ASAP1: variants seen among roughly 807,000 people sequenced by gnomAD.
ASAP1 encodes ArfGAP with SH3 domain, ankyrin repeat and PH domain 1.
Under a neutral mutation model 145.2 loss-of-function variants are expected in ASAP1, and 43 were observed. The observed-to-expected ratio is 0.30, with a 90% CI of 0.23 to 0.38. ASAP1 has a LOEUF of 0.38. Ranked by LOEUF, ASAP1 falls within the 10% of genes least tolerant of loss-of-function variation. ASAP1 has a pLI of 1.00. For synonymous variants in ASAP1, 546 were observed against 515.5 expected (o/e 1.06, Z -0.80); for missense variants, 1,018 against 1,355.3 (o/e 0.75, Z 3.91).
chr8:130,206,001 G>A (rs1419851506), intron 5 of ASAP1, among the ~76,000 whole-genome samples: 1 of 152,020 alleles, frequency 6.6e-6, no homozygotes, highest in Non-Finnish European at 1.5e-5. Context: ...ACAGAAGCTA[G>A]AATTATAATT....
At chr8:130,284,486 A>G (rs972230115) in intron 3 of ASAP1, among the ~76,000 whole-genome samples, 2 of 152,160 alleles carry the variant, frequency 1.3e-5, no homozygotes, top group Admixed American at 1.3e-4. Flanking sequence ...AAAATTTTTA[A>G]GCAGGGGAAA....
intron 1 of ASAP1, among the ~76,000 whole-genome samples, chr8:130,413,720 C>G (rs2138656938): frequency 6.6e-6 from 1 of 152,340 alleles, no homozygotes; most frequent in Non-Finnish European, 1.5e-5. Context: ...CCACTACCAT[C>G]TATCTGTGGC....
chr8:130,300,391 G>GT (rs1822591523), intron 3 of ASAP1, among the ~76,000 whole-genome samples: 1 of 152,160 alleles, frequency 6.6e-6, no homozygotes, highest in Non-Finnish European at 1.5e-5. Flanking sequence ...CACTACTGCT[G>GT]TTTTTTAATT....
At chr8:130,222,994 T>C (rs1483112143) in intron 4 of ASAP1, among the ~76,000 whole-genome samples, 2 of 152,206 alleles carry the variant, frequency 1.3e-5, no homozygotes, top group African/African-American at 2.4e-5. Context: ...GTCAGGAGAC[T>C]GAAGCTCCTA....
chr8:130,135,891 G>A (rs2097593414), intron 14 of ASAP1, among the ~76,000 whole-genome samples: 1 of 152,148 alleles, frequency 6.6e-6, no homozygotes, highest in Non-Finnish European at 1.5e-5. Flanking sequence ...TACAGATGCT[G>A]CAGAATACAG....
At chr8:130,441,881 G>A (rs1830498825) in intron 1 of ASAP1, among the ~76,000 whole-genome samples, 1 of 152,186 alleles carries the variant, frequency 6.6e-6, no homozygotes, top group Non-Finnish European at 1.5e-5. Context: ...ACAAGAAACA[G>A]GAGGGCTGAA....
intron 3 of ASAP1, chr8:130,340,944 GTTTTTT>G: frequency 2.3e-6 from 1 of 444,442 alleles, no homozygotes; most frequent in Non-Finnish European, 4.5e-6. Flanking sequence ...AAAATACTAG[GTTTTTT>G]TTTGTTTTTG....
chr8:130,125,509 C>T (rs2097573568), intron 17 of ASAP1, among the ~76,000 whole-genome samples: 1 of 151,898 alleles, frequency 6.6e-6, no homozygotes, highest in African/African-American at 2.4e-5. Context: ...GGTTTTATGA[C>T]AATAGTTAAC....
At chr8:130,348,866 A>C (rs2138020774) in intron 3 of ASAP1, among the ~76,000 whole-genome samples, 1 of 152,364 alleles carries the variant, frequency 6.6e-6, no homozygotes, top group Middle Eastern at 3.4e-3. Context: ...TCAATTATGC[A>C]GGTACATAAT....
At chr8:130,382,753 G>A (rs1228352037) in intron 2 of ASAP1, among the ~76,000 whole-genome samples, 1 of 152,148 alleles carries the variant, frequency 6.6e-6, no homozygotes, top group Non-Finnish European at 1.5e-5. Flanking sequence ...GCTGAGGCAG[G>A]AGAATTGCTT....
chr8:130,394,176 C>A (rs11779293), intron 2 of ASAP1, among the ~76,000 whole-genome samples: 20 of 152,180 alleles, frequency 1.3e-4, no homozygotes, highest in African/African-American at 4.6e-4. Context: ...ACTTTGACCA[C>A]CGGTGAGCTG....
At chr8:130,403,802 C>T (rs534748754) in intron 1 of ASAP1, among the ~76,000 whole-genome samples, 1 of 152,194 alleles carries the variant, frequency 6.6e-6, no homozygotes, top group South Asian at 2.1e-4. Context: ...GATCTGCCCA[C>T]CTTGGCCTCC....
At chr8:130,275,132 G>A (rs1268271719) in intron 3 of ASAP1, among the ~76,000 whole-genome samples, 1 of 152,220 alleles carries the variant, frequency 6.6e-6, no homozygotes, top group Non-Finnish European at 1.5e-5. Flanking sequence ...AGAATGAAAT[G>A]AGAGCATATA....
At chr8:130,146,230 G>A (rs770807261) in intron 13 of ASAP1, among the ~76,000 whole-genome samples, 3 of 151,840 alleles carry the variant, frequency 2.0e-5, no homozygotes, top group African/African-American at 4.8e-5. Context: ...CAGGTTCCTT[G>A]GTTTTATACC....
rs1564927760 is a variant in ASAP1, at chr8:130,072,788, T to TGGTGTGTGTGTGTGTGTGTGTG, written c.2701+3559_2701+3560insCACACACACACACACACACACC. Among the ~76,000 whole-genome samples, 2 of 129,944 alleles carry TGGTGTGTGTGTGTGTGTGTGTG rather than the reference T, an allele frequency of 1.5e-5. 1 individual carries two copies. Among genetic ancestry groups the TGGTGTGTGTGTGTGTGTGTGTG allele is most frequent in the Admixed American group, 1.6e-4 (2 of 12,824 alleles). The allele number at this position is 129,944 out of a possible 152,430, so 85.2% of individuals were successfully genotyped here. On this transcript the variant is annotated intron_variant, in intron 27 of 29. Transcript: ENST00000518721. ...AAGTTCTGAAGGCCTGGACTTGCAA[T>TGGTGTGTGTGTGTGTGTGTGTG]TGATATGTGTGTGTGTGTGTGTGTG...
rs759577453 is a variant in ASAP1 at position 130,060,853 on chromosome 8, G to C, written c.2918C>G (p.Pro973Arg). The change falls in exon 28 of 30, where the codon CCC becomes CGC. Residue 973 changes from proline to arginine, a missense_variant. This residue lies in a region of ASAP1 where 139 missense variants were observed against 131.0 expected (regional missense o/e 1.06). Coordinates refer to ENST00000518721, the MANE Select transcript of ASAP1 (RefSeq NM_018482.4). ...AGGTAAGTCTGAGAGTTGGGGTTTG[G>C]GTGGCAGGTCCCCCAGCTGTGGTTT... Reference protein sequence around the residue: ...PPKPQLGDLPPKPQLSDLPPK... With the variant: ...PPKPQLGDLPRKPQLSDLPPK... 3 of 1,613,830 alleles carry C rather than the reference G, an allele frequency of 1.9e-6. No individual in the cohort carries two copies. The African/African-American group carries it at 4.0e-5, about 22-fold the overall frequency.
At chr8:130,404,118 A>G (rs913828687) in intron 1 of ASAP1, among the ~76,000 whole-genome samples, 2 of 152,232 alleles carry the variant, frequency 1.3e-5, no homozygotes, top group Non-Finnish European at 2.9e-5. Flanking sequence ...ATGTGGATAC[A>G]AAGATTGTGT....
At chr8:130,284,336 T>C (rs1227429493) in intron 3 of ASAP1, among the ~76,000 whole-genome samples, 1 of 151,894 alleles carries the variant, frequency 6.6e-6, no homozygotes, top group Non-Finnish European at 1.5e-5. Flanking sequence ...AAACGATAAA[T>C]TGTATATATA....
intron 24 of ASAP1, among the ~76,000 whole-genome samples, chr8:130,104,818 C>T: frequency 6.6e-6 from 1 of 152,138 alleles, no homozygotes; most frequent in East Asian, 1.9e-4. Flanking sequence ...AACCAAAAGT[C>T]TCTTACACTG....
Sources: allele counts gnomAD v4.1 joint callset (sites outside exome capture counted in the v4.1 genomes callset), GRCh38; gene constraint gnomAD v4.1.1; regional missense constraint gnomAD v4.1.1; transcripts MANE v1.5; gene names NCBI Gene and HGNC (gene_info 2026-07-23, HGNC 2026-07-21).